Variants in GPC5 observed in about 807,000 individuals in gnomAD.
GPC5 encodes glypican 5, also known as glypican-5.
GPC5 carries 47 observed loss-of-function variants against 53.9 expected under a neutral mutation model. The ratio of observed to expected loss-of-function variants is 0.87; its 90% CI spans 0.69 to 1.11. The LOEUF is 1.11. Ranked by LOEUF, GPC5 falls within the 50% of genes most tolerant of loss-of-function variation. The pLI, the probability that GPC5 is intolerant of heterozygous loss-of-function variation, is 0.00. For synonymous variants in GPC5, 286 were observed against 263.3 expected, an observed-to-expected ratio of 1.09 and a Z score of -0.84; for missense variants, 748 against 713.1, an observed-to-expected ratio of 1.05 and a Z score of -0.56.
intron 7 of GPC5, among the ~76,000 whole-genome samples, chr13:92,358,718 G>A (rs529970326): frequency 3.3e-5 from 5 of 151,910 alleles, no homozygotes; most frequent in Admixed American, 3.3e-4. Context: ...GAAGTGGCCT[G>A]AGACATATCT....
chr13:91,794,062 C>T (rs551501590), intron 5 of GPC5, among the ~76,000 whole-genome samples: 8 of 152,178 alleles, frequency 5.3e-5, no homozygotes, highest in South Asian at 4.2e-4. Context: ...ATTCCAGTGT[C>T]GAGTCAAAAT....
At position 91,693,312 on chromosome 13, in the gene GPC5, T is replaced by C. The variant is rs150094564; in HGVS notation, c.451T>C (p.Tyr151His). 5.9e-4 allele frequency: 946 copies of C among 1,613,960 alleles called. No individual in the cohort carries two copies. Among genetic ancestry groups the C allele is most frequent in the Non-Finnish European group, 7.7e-4 (910 of 1,180,018 alleles). Residue 151 changes from tyrosine to histidine, a missense_variant, in exon 3 of 8, where the codon TAT (tyrosine) becomes CAT (histidine). Transcript: ENST00000377067. ...GGAGTTCTTCACTGATGTGGGGCTG[T>C]ATTTATTTGGTGCGGATGTTAATCC... ...VQEFFTDVGL[Y>H]LFGADVNPEE... is the part of the protein sequence containing the mutation.
chr13:92,475,854 A>C (rs1879101928), intron 7 of GPC5, among the ~76,000 whole-genome samples: 2 of 148,146 alleles, frequency 1.4e-5, no homozygotes, highest in Non-Finnish European at 3.0e-5. Flanking sequence ...AGAAAGCTGA[A>C]ACTGGATCCC....
intron 3 of GPC5, among the ~76,000 whole-genome samples, chr13:91,714,725 A>G (rs2036298710): frequency 6.6e-6 from 1 of 152,090 alleles, no homozygotes; most frequent in Admixed American, 6.5e-5. Context: ...AAGCAAGCAA[A>G]ATAATAGGAA....
At chr13:91,529,592 T>C (rs77918584) in intron 2 of GPC5, among the ~76,000 whole-genome samples, 1 of 150,062 alleles carries the variant, frequency 6.7e-6, no homozygotes, top group African/African-American at 2.5e-5. Context: ...AAAGTAATCA[T>C]GCAGTAAGTG....
chr13:92,047,885 G>T (rs930037300), intron 6 of GPC5, among the ~76,000 whole-genome samples: 2 of 151,590 alleles, frequency 1.3e-5, no homozygotes, highest in African/African-American at 4.8e-5. Flanking sequence ...CAGCTTCTAG[G>T]GAGGCTAAGG....
At chr13:91,400,745 G>A (rs146707212) in intron 1 of GPC5, among the ~76,000 whole-genome samples, 2 of 152,200 alleles carry the variant, frequency 1.3e-5, no homozygotes, top group African/African-American at 2.4e-5. Flanking sequence ...CTCCACTCTG[G>A]TATCTCAGTA....
chr13:91,426,247 C>T (rs958645618), intron 1 of GPC5, among the ~76,000 whole-genome samples: 12 of 151,866 alleles, frequency 7.9e-5, no homozygotes, highest in South Asian at 2.1e-4. Flanking sequence ...GAGACCTTCC[C>T]GGTAGCCCCT....
At chr13:91,656,696 C>G (rs1236606287) in intron 2 of GPC5, among the ~76,000 whole-genome samples, 1 of 152,168 alleles carries the variant, frequency 6.6e-6, no homozygotes, top group Non-Finnish European at 1.5e-5. Context: ...TCATCCACGA[C>G]CAATCCACGA....
intron 5 of GPC5, among the ~76,000 whole-genome samples, chr13:91,805,097 G>A (rs1424811817): frequency 1.3e-5 from 2 of 152,186 alleles, no homozygotes; most frequent in Non-Finnish European, 2.9e-5. Flanking sequence ...GGGCAGAGGA[G>A]TGGGTGACTT....
At chr13:92,226,362 T>G (rs1015898355) in intron 7 of GPC5, among the ~76,000 whole-genome samples, 1 of 152,188 alleles carries the variant, frequency 6.6e-6, no homozygotes, top group African/African-American at 2.4e-5. Flanking sequence ...TGGATATATA[T>G]CCTTTCTCCA....
chr13:92,723,063 T>G (rs999793177), intron 7 of GPC5, among the ~76,000 whole-genome samples: 1 of 151,764 alleles, frequency 6.6e-6, no homozygotes. Flanking sequence ...TCATTAACAT[T>G]TGTTAATAAT....
chr13:92,004,460 A>AAT (rs2040586455), intron 6 of GPC5, among the ~76,000 whole-genome samples: 1 of 30,354 alleles, frequency 3.3e-5, no homozygotes, highest in African/African-American at 7.4e-5. Context: ...AAAAAAAATT[A>AAT]TATATATATA....
At chr13:92,373,947 T>A (rs1233166113) in intron 7 of GPC5, among the ~76,000 whole-genome samples, 1 of 152,204 alleles carries the variant, frequency 6.6e-6, no homozygotes, top group Non-Finnish European at 1.5e-5. Flanking sequence ...CTAGATGTAG[T>A]TACTAAAATG....
chr13:91,489,321 C>CT (rs1263258088), intron 2 of GPC5, among the ~76,000 whole-genome samples: 9 of 152,118 alleles, frequency 5.9e-5, no homozygotes, highest in Non-Finnish European at 1.0e-4. Flanking sequence ...CATGTGATGT[C>CT]TCCCCCGGAC....
At chr13:92,763,518 A>T (rs935292166) in intron 7 of GPC5, among the ~76,000 whole-genome samples, 1 of 152,158 alleles carries the variant, frequency 6.6e-6, no homozygotes, top group Non-Finnish European at 1.5e-5. Flanking sequence ...TTAGCTCAGA[A>T]TGATCCTCTT....
At chr13:91,958,428 T>C (rs1456066390) in intron 6 of GPC5, among the ~76,000 whole-genome samples, 1 of 152,050 alleles carries the variant, frequency 6.6e-6, no homozygotes, top group East Asian at 1.9e-4. Context: ...ACTACAATAA[T>C]AGTTGGGGAC....
intron 7 of GPC5, among the ~76,000 whole-genome samples, chr13:92,452,437 G>A (rs1486009790): frequency 6.6e-6 from 1 of 151,998 alleles, no homozygotes; most frequent in East Asian, 1.9e-4. Flanking sequence ...AAGGCTTATC[G>A]GAAATACATT....
At chr13:92,486,829 G>C (rs1393072851) in intron 7 of GPC5, among the ~76,000 whole-genome samples, 2 of 151,694 alleles carry the variant, frequency 1.3e-5, no homozygotes, top group East Asian at 3.9e-4. Flanking sequence ...TGTGGCTAGT[G>C]GCTACTGGAT....
Sources: gnomAD v4.1 joint callset for allele counts (sites outside exome capture counted in the v4.1 genomes callset) on GRCh38, gnomAD v4.1.1 for gene constraint, MANE v1.5 for transcripts, NCBI Gene and HGNC (gene_info 2026-07-23, HGNC 2026-07-21) for gene names.